The following SERPINB8 variants were observed in gnomAD, a reference collection of about 807,000 sequenced individuals.
SERPINB8 encodes the protein serpin B8.
A neutral mutation model predicts 35.3 loss-of-function variants in SERPINB8; 25 were observed. The ratio of observed to expected loss-of-function variants is 0.71; its 90% CI spans 0.52 to 0.99. SERPINB8 has a LOEUF of 0.99. Ranked by LOEUF, SERPINB8 falls within the 50% of genes least tolerant of loss-of-function variation. The pLI is 0.00. For missense variants in SERPINB8, 484 were observed against 446.5 expected (o/e 1.08, Z -0.76); for synonymous variants, 186 against 160.8 (o/e 1.16, Z -1.19).
At chr18:63,970,192 C>T (rs2050442119) in intron 1 of SERPINB8, 22 bp downstream of exon 1, 2 of 298,008 alleles carry the variant, frequency 6.7e-6, no homozygotes, top group Non-Finnish European at 1.3e-5. Context: ...TGCCAGGTAC[C>T]GGGCGGGGCA....
intron 1 of SERPINB8, among the ~76,000 whole-genome samples, chr18:64,001,003 A>G (rs1214102792): frequency 6.6e-6 from 1 of 152,244 alleles, no homozygotes; most frequent in Non-Finnish European, 1.5e-5. Flanking sequence ...CTTTATCATG[A>G]TGAAATAACC....
chr18:64,005,936 C>A (rs142104866), downstream of SERPINB8, among the ~76,000 whole-genome samples: 1 of 152,148 alleles, frequency 6.6e-6, no homozygotes, highest in Non-Finnish European at 1.5e-5. Flanking sequence ...GCAAGGTGCC[C>A]GCTGATATTA....
downstream of SERPINB8, among the ~76,000 whole-genome samples, chr18:64,006,864 T>A (rs1256923130): frequency 6.6e-6 from 1 of 152,154 alleles, no homozygotes; most frequent in Non-Finnish European, 1.5e-5. Flanking sequence ...TTTGTAGATT[T>A]TGATGTCTGT....
chr18:63,999,070 A>G (rs1291423938), intron 1 of SERPINB8, among the ~76,000 whole-genome samples: 1 of 152,192 alleles, frequency 6.6e-6, no homozygotes, highest in African/African-American at 2.4e-5. Context: ...CTCCTGAACT[A>G]ATAAGACATG....
exon 2 of SERPINB8, chr18:64,005,391 GAAACCC>G (rs2050895029): frequency 6.7e-6 from 1 of 149,022 alleles, no homozygotes; most frequent in Admixed American, 6.8e-5. Context: ...TTTATATGTT[GAAACCC>G]AACATCCAAT....
chr18:64,013,778 C>T (rs1353302307), intron 7 of SERPINB8, among the ~76,000 whole-genome samples: 2 of 151,938 alleles, frequency 1.3e-5, no homozygotes, highest in African/African-American at 4.8e-5. Context: ...GAAAGGTGTT[C>T]CGGAAAGAAG....
intron 6 of SERPINB8, 96 bp downstream of exon 6, chr18:63,985,341 T>G: frequency 7.1e-7 from 1 of 1,412,392 alleles, no homozygotes; most frequent in South Asian, 1.3e-5. Context: ...AGTTTCCAGT[T>G]GGGGTTATTA....
At chr18:63,995,905 A>G (rs1353282959) in intron 1 of SERPINB8, among the ~76,000 whole-genome samples, 2 of 152,204 alleles carry the variant, frequency 1.3e-5, no homozygotes, top group African/African-American at 4.8e-5. Context: ...AGGAATTTAT[A>G]TAGCAGGGAA....
intron 6 of SERPINB8, chr18:63,986,175 C>A: frequency 7.8e-7 from 1 of 1,281,510 alleles, no homozygotes; most frequent in Non-Finnish European, 1.1e-6. Context: ...GAGTACCCAC[C>A]TGGGCTCCAG....
chr18:63,992,777 A>T (rs1028768202), downstream of SERPINB8, among the ~76,000 whole-genome samples: 1 of 152,230 alleles, frequency 6.6e-6, no homozygotes, highest in Non-Finnish European at 1.5e-5. Context: ...CCTTGCCTCT[A>T]GTAGGCAAGG....
At chr18:63,976,039 T>G (rs1471924059) in intron 1 of SERPINB8, among the ~76,000 whole-genome samples, 1 of 152,216 alleles carries the variant, frequency 6.6e-6, no homozygotes, top group Non-Finnish European at 1.5e-5. Context: ...TATCTCTAGA[T>G]AGAGTTTCCA....
chr18:63,991,681 T>C (rs1484344736), downstream of SERPINB8, among the ~76,000 whole-genome samples: 6 of 147,954 alleles, frequency 4.1e-5, no homozygotes, highest in Non-Finnish European at 8.9e-5. Context: ...TTTTTTTTTT[T>C]CTTTGCCTTA....
downstream of SERPINB8, among the ~76,000 whole-genome samples, chr18:63,992,610 G>A (rs1033305567): frequency 9.2e-5 from 14 of 152,088 alleles, no homozygotes; most frequent in Admixed American, 2.6e-4. Context: ...TTTCTGCTCT[G>A]ATCTTTATTA....
chr18:64,000,717 A>G (rs539047160), intron 1 of SERPINB8, among the ~76,000 whole-genome samples: 27 of 152,074 alleles, frequency 1.8e-4, no homozygotes, highest in African/African-American at 6.3e-4. Flanking sequence ...CTCTGACTCA[A>G]TACTCGGTGC....
chr18:64,012,475 C>T (rs1227797620), intron 7 of SERPINB8, among the ~76,000 whole-genome samples: 1 of 151,932 alleles, frequency 6.6e-6, no homozygotes, highest in African/African-American at 2.4e-5. Context: ...TGAACTTTTT[C>T]TCGTAGCTCT....
rs1599153204 is a variant in SERPINB8, at chr18:63,986,885, A to G, written c.732A>G (p.Ala244=). Residue 244 remains alanine (A), a synonymous_variant, in exon 7 of 7, where the codon GCA becomes GCG. Transcript: ENST00000397985. The stretch of plus-strand genomic sequence containing the variant: ...CTTTCTTATCCTAGGTGGAAAAAGC[A>G]CTTACATATGAGAAATTCAAAGCCT... ...DNTDLAVVEK[A]LTYEKFKAWT... is the part of the protein sequence containing the mutation. 1.9e-6 allele frequency: 3 copies of G among 1,608,162 alleles called. No individual in the cohort carries two copies. Among genetic ancestry groups the G allele is most frequent in the East Asian group, 2.2e-5 (1 of 44,866 alleles).
downstream of SERPINB8, among the ~76,000 whole-genome samples, chr18:63,992,180 A>G (rs2050828333): frequency 6.6e-6 from 1 of 152,030 alleles, no homozygotes; most frequent in African/African-American, 2.4e-5. Context: ...TACCTTTGCA[A>G]TTTTCTGGAA....
rs8093780 is a variant in SERPINB8 at position 64,015,309 on chromosome 18, G to A, written c.*3-3601G>A. ...GATAGACTTCAGGAACTGGCTCCAC[G>A]GAGGTAGGGAAGGCAGTTGCTAACA... On this transcript the variant is annotated intron_variant, in intron 7 of 7. Transcript: ENST00000636430. 1.2e-3 allele frequency among the ~76,000 whole-genome samples: 178 copies of A among 152,298 alleles called. 1 individual carries two copies. Among genetic ancestry groups the A allele is most frequent in the South Asian group, 6.0e-3 (29 of 4,822 alleles).
intron 1 of SERPINB8, among the ~76,000 whole-genome samples, chr18:63,977,274 A>G (rs372734025): frequency 1.3e-5 from 2 of 152,146 alleles, no homozygotes; most frequent in African/African-American, 4.8e-5. Flanking sequence ...ACTGACCTCA[A>G]TGTGTTATTG....
Sources: gnomAD v4.1 joint callset for allele counts (sites outside exome capture counted in the v4.1 genomes callset) on GRCh38, gnomAD v4.1.1 for gene constraint, MANE v1.5 for transcripts, NCBI Gene and HGNC (gene_info 2026-07-23, HGNC 2026-07-21) for gene names.